Variants in KAZN observed in about 807,000 individuals in gnomAD.
KAZN encodes the protein kazrin, periplakin interacting protein.
In KAZN, 40 loss-of-function variants were observed where a neutral mutation model predicts 87.4. That is an observed-to-expected ratio of 0.46 (90% confidence interval 0.36 to 0.60). The LOEUF (loss-of-function observed/expected upper bound fraction) is 0.60, where lower values mean the gene tolerates loss of function less well. Among genes scored for constraint, KAZN ranks in the 20% least tolerant of loss-of-function variants. The probability of loss-of-function intolerance (pLI) is 0.00; values close to 1 mark genes in which losing one functional copy is unlikely to be tolerated. For missense variants in KAZN, 898 were observed against 1,073.9 expected, an observed-to-expected ratio of 0.84 and a Z score of 2.29; for synonymous variants, 466 against 458.3, an observed-to-expected ratio of 1.02 and a Z score of -0.22.
At chr1:14,267,589 A>C (rs1651590273) in intron 2 of KAZN, among the ~76,000 whole-genome samples, 1 of 152,178 alleles carries the variant, frequency 6.6e-6, no homozygotes, top group Non-Finnish European at 1.5e-5. Flanking sequence ...AGGGAGGTCC[A>C]GGAACCAATC....
chr1:14,490,764 A>C (rs1165173673), intron 2 of KAZN, among the ~76,000 whole-genome samples: 1 of 151,824 alleles, frequency 6.6e-6, no homozygotes, highest in Non-Finnish European at 1.5e-5. Context: ...TTGCATTCTA[A>C]AAGATTTTTT....
chr1:14,527,789 A>G (rs1396306649), intron 2 of KAZN, among the ~76,000 whole-genome samples: 2 of 151,850 alleles, frequency 1.3e-5, no homozygotes, highest in African/African-American at 4.8e-5. Context: ...TAGAGTGAGA[A>G]CTCCCTCATT....
At chr1:15,018,293 C>G (rs1003357472) in intron 2 of KAZN, among the ~76,000 whole-genome samples, 1 of 152,072 alleles carries the variant, frequency 6.6e-6, no homozygotes, top group African/African-American at 2.4e-5. Context: ...GAATGGCGGT[C>G]TAAATATTTT....
Position 15,056,110 on chromosome 1 carries a change from C to T in KAZN, c.746C>T (p.Thr249Met), listed in dbSNP as rs367740423. The change falls in exon 5 of 15, where the codon ACG (threonine) becomes ATG (methionine). Residue 249 changes from threonine to methionine, a missense_variant. Around this residue, in one of 3 missense-constraint regions of KAZN, gnomAD observed 521 missense variants for 689.4 expected, o/e 0.76. Coordinates refer to ENST00000376030, the MANE Select transcript of KAZN (RefSeq NM_201628.3). This position sits in a 1 kb window ranked among gnomAD's most constrained non-coding sequence, Gnocchi z 5.4. The stretch of plus-strand genomic sequence containing the variant: ...CTCCAGGCCAAACAGTCCTTAGCTA[C>T]GCTGACCAAGGACGTCCCCAAGCGG... ...ELAMAKQSLATLTKDVPKRHS... is the reference protein window; with the variant it reads ...ELAMAKQSLAMLTKDVPKRHS... 7 of 1,612,648 alleles carry T rather than the reference C, an allele frequency of 4.3e-6. No homozygotes were observed. Among genetic ancestry groups the T allele is most frequent in the South Asian group, 1.1e-5 (1 of 90,986 alleles).
At chr1:14,257,252 G>A (rs181128286) in intron 2 of KAZN, among the ~76,000 whole-genome samples, 1 of 151,158 alleles carries the variant, frequency 6.6e-6, no homozygotes, top group Non-Finnish European at 1.5e-5. Context: ...GTGTTTTTTG[G>A]CTGCATAAAT....
At chr1:14,835,468 C>G (rs1290693038) in intron 1 of KAZN, among the ~76,000 whole-genome samples, 1 of 152,126 alleles carries the variant, frequency 6.6e-6, no homozygotes, top group Admixed American at 6.6e-5. Flanking sequence ...TCTCCTGGAG[C>G]CTGATTGGAA....
At position 14,949,019 on chromosome 1, in the gene KAZN, T is replaced by C. The variant is rs2004702; in HGVS notation, c.227-11665T>C. 0.3 allele frequency among the ~76,000 whole-genome samples: 44,865 copies of C among 151,804 alleles called. 6,898 individuals are homozygous for C. The highest frequency in any genetic ancestry group is 0.38 in the Middle Eastern group (112 of 294). ...AAAAAATACAAACATTAGAAGGGCG[T>C]TGTAGCACATGCCTGTAATCCCAGC... On this transcript the variant is annotated intron_variant, in intron 1 of 14. Coordinates refer to ENST00000376030, the MANE Select transcript of KAZN (RefSeq NM_201628.3). This position sits in a 1 kb window ranked among gnomAD's most constrained non-coding sequence, Gnocchi z 4.3.
intron 1 of KAZN, among the ~76,000 whole-genome samples, chr1:14,001,975 T>A (rs1639812748): frequency 6.6e-6 from 1 of 152,082 alleles, no homozygotes; most frequent in Admixed American, 6.5e-5. Flanking sequence ...CAAAAGCAAT[T>A]GCAACAAAAG....
intron 1 of KAZN, among the ~76,000 whole-genome samples, chr1:13,993,910 A>G (rs1639396237): frequency 6.6e-6 from 1 of 152,230 alleles, no homozygotes; most frequent in Admixed American, 6.5e-5. Flanking sequence ...CAATCCCTTT[A>G]ATAAGAACAT....
intron 1 of KAZN, among the ~76,000 whole-genome samples, chr1:13,896,996 C>T (rs1241100427): frequency 6.6e-6 from 1 of 152,090 alleles, no homozygotes; most frequent in Non-Finnish European, 1.5e-5. Flanking sequence ...CTGGTGGGGC[C>T]ATGGGAAGAG....
At chr1:13,933,079 G>A (rs1188107954) in intron 1 of KAZN, among the ~76,000 whole-genome samples, 2 of 151,962 alleles carry the variant, frequency 1.3e-5, no homozygotes, top group Non-Finnish European at 2.9e-5. Flanking sequence ...AACCAGCATT[G>A]TACATGACTA....
At chr1:15,110,522 T>C (rs1161965676) in intron 13 of KAZN, among the ~76,000 whole-genome samples, 69 of 137,980 alleles carry the variant, frequency 5.0e-4, no homozygotes, top group Middle Eastern at 3.7e-3. Context: ...TGTTTGTGTG[T>C]ATGTGTTTGT....
intron 2 of KAZN, among the ~76,000 whole-genome samples, chr1:15,001,801 G>A (rs974653072): frequency 5.3e-5 from 8 of 151,780 alleles, no homozygotes; most frequent in Non-Finnish European, 5.9e-5. Flanking sequence ...TCTGTTCCAC[G>A]GGTGGGTGAC....
At chr1:14,302,865 C>T (rs112924421) in intron 2 of KAZN, among the ~76,000 whole-genome samples, 2,284 of 152,230 alleles carry the variant, frequency 0.015, 59 homozygotes, top group African/African-American at 0.052. Flanking sequence ...GGTTGAGCGA[C>T]GTGAGTTGTA....
chr1:13,894,263 T>G (rs958780635), intron 1 of KAZN, among the ~76,000 whole-genome samples: 1 of 152,226 alleles, frequency 6.6e-6, no homozygotes, highest in Non-Finnish European at 1.5e-5. Flanking sequence ...GACTTGGTTG[T>G]GGGGATTCCT....
At chr1:13,936,266 T>C (rs1640741916) in intron 1 of KAZN, among the ~76,000 whole-genome samples, 1 of 151,350 alleles carries the variant, frequency 6.6e-6, no homozygotes, top group African/African-American at 2.4e-5. Context: ...CTGGCTAATT[T>C]TTTTTTTGTA....
At chr1:15,041,131 T>G (rs1338143399) in intron 3 of KAZN, among the ~76,000 whole-genome samples, 1 of 148,862 alleles carries the variant, frequency 6.7e-6, no homozygotes, top group Non-Finnish European at 1.5e-5. Flanking sequence ...TTGTATTTTT[T>G]TTTTTTTTTT....
intron 2 of KAZN, among the ~76,000 whole-genome samples, chr1:14,359,491 G>C (rs1283424512): frequency 6.6e-6 from 1 of 152,152 alleles, no homozygotes; most frequent in Non-Finnish European, 1.5e-5. Flanking sequence ...ACACTAGCTG[G>C]TTATTTTGCC....
At chr1:14,195,095 T>A (rs1646499156) in intron 2 of KAZN, among the ~76,000 whole-genome samples, 1 of 152,220 alleles carries the variant, frequency 6.6e-6, no homozygotes, top group Non-Finnish European at 1.5e-5. Flanking sequence ...ATAGAAATTT[T>A]CTATAGATAC....
Sources: allele counts gnomAD v4.1 joint callset (sites outside exome capture counted in the v4.1 genomes callset), GRCh38; gene constraint gnomAD v4.1.1; regional missense constraint gnomAD v4.1.1; non-coding constraint Gnocchi (gnomAD v3.1); transcripts MANE v1.5; gene names NCBI Gene and HGNC (gene_info 2026-07-23, HGNC 2026-07-21).